MYEF2: variants seen among roughly 807,000 people sequenced by gnomAD.
The protein encoded by MYEF2 is myelin gene expression factor 2.
A neutral mutation model predicts 75.2 loss-of-function variants in MYEF2; 37 were observed. The ratio of observed to expected loss-of-function variants is 0.49; its 90% CI spans 0.38 to 0.65. MYEF2 has a LOEUF of 0.65. Ranked by LOEUF, MYEF2 falls within the 30% of genes least tolerant of loss-of-function variation. MYEF2 has a pLI of 0.00. For synonymous variants in MYEF2, 195 were observed against 241.6 expected (o/e 0.81, Z 1.79); for missense variants, 634 against 771.4 (o/e 0.82, Z 2.11).
intron 5 of MYEF2, chr15:48,162,670 T>C (rs1444220509): frequency 1.3e-5 from 2 of 152,218 alleles, no homozygotes; most frequent in African/African-American, 4.8e-5. Context: ...TCCCAACATG[T>C]GCTCACTTTG....
rs1205778540 is a variant in MYEF2 at position 48,135,641 on chromosome 15, A to G, written c.*7267T>C. 6.6e-6 allele frequency: 1 copy of G among 152,104 alleles called. No individual in the cohort carries two copies. Among genetic ancestry groups the G allele is most frequent in the Admixed American group, 6.6e-5 (1 of 15,236 alleles). The allele number at this position is 152,104 out of a possible 1,614,324, so 9.4% of individuals were successfully genotyped here. ...CACTATGCTAGATATCATAAGGGAT[A>G]ATGAAATGTAAAACACAGCTACACA... On this transcript the variant is annotated 3_prime_UTR_variant, in exon 17 of 17. Transcript: ENST00000324324.
rs11360022 is a variant in MYEF2 at position 48,170,477 on chromosome 15, TA to T, written c.162-1639del. Among the ~76,000 whole-genome samples, 493 of 152,280 alleles carry T rather than the reference TA, an allele frequency of 3.2e-3. 3 individuals are homozygous for T. Among genetic ancestry groups the T allele is most frequent in the African/African-American group, 0.011 (471 of 41,554 alleles). On this transcript the variant is annotated intron_variant, in intron 1 of 16. Coordinates refer to ENST00000324324, the MANE Select transcript of MYEF2 (RefSeq NM_016132.5). ...TCTAGTCAATTTAAAACTATTTTAA[TA>T]ACAAAACTTCAATTTTAAAGCAATT...
chr15:48,158,683 T>C (rs2039805046), intron 7 of MYEF2, 86 bp downstream of exon 7: 3 of 1,520,464 alleles, frequency 2.0e-6, no homozygotes, highest in African/African-American at 2.7e-5. Flanking sequence ...CCAGGCAACC[T>C]TAAATTCAAT....
rs2038863981 is a variant in MYEF2, at chr15:48,135,091, T to C, written c.*7817A>G. 3.9e-6 allele frequency: 3 copies of C among 766,030 alleles called. No homozygotes were observed. Among genetic ancestry groups the C allele is most frequent in the South Asian group, 3.6e-5 (2 of 55,886 alleles). 47.5% of individuals were successfully genotyped at this position (766,030 alleles called of 1,614,324 possible). On this transcript the variant is annotated 3_prime_UTR_variant, in exon 17 of 17. Coordinates refer to ENST00000324324, the MANE Select transcript of MYEF2 (RefSeq NM_016132.5). ...TATTTCAGTCACTTAATCTGCCACTTCTATACCATATTCCAACAGGTCTGT... is the reference window on the plus strand; with the variant it reads ...TATTTCAGTCACTTAATCTGCCACTCCTATACCATATTCCAACAGGTCTGT...
intron 13 of MYEF2, 24 bp downstream of exon 13, chr15:48,151,449 G>A: frequency 6.3e-7 from 1 of 1,587,608 alleles, no homozygotes; most frequent in Non-Finnish European, 8.6e-7. Context: ...AAAAAGAAAA[G>A]GAGAAGTATG....
intron 9 of MYEF2, among the ~76,000 whole-genome samples, chr15:48,154,947 T>C (rs2039636519): frequency 6.6e-6 from 1 of 151,998 alleles, no homozygotes; most frequent in Admixed American, 6.6e-5. Flanking sequence ...TACTATTACA[T>C]AAAAGAATAA....
chr15:48,159,408 G>A (rs998406172), intron 6 of MYEF2, among the ~76,000 whole-genome samples: 1 of 151,886 alleles, frequency 6.6e-6, no homozygotes, highest in Admixed American at 6.6e-5. Context: ...AATCCAAATA[G>A]TTGTATTTAA....
intron 6 of MYEF2, 67 bp from the exon 7 acceptor site, chr15:48,158,989 A>G: frequency 1.4e-6 from 2 of 1,395,416 alleles, no homozygotes; most frequent in Non-Finnish European, 2.0e-6. Context: ...AATACAAAAA[A>G]TCTTTTCTAA....
intron 5 of MYEF2, among the ~76,000 whole-genome samples, chr15:48,163,528 A>T (rs2040027375): frequency 6.6e-6 from 1 of 152,208 alleles, no homozygotes; most frequent in Admixed American, 6.5e-5. Context: ...AGTTATCCAG[A>T]ACACCTAGCT....
rs1881872453 is a variant in MYEF2, at chr15:48,151,900, C to A, written c.1181G>T (p.Gly394Val). 1 of 1,613,558 alleles carries A rather than the reference C, an allele frequency of 6.2e-7. No individual in the cohort carries two copies. The highest frequency in any genetic ancestry group is 8.5e-7 in the Non-Finnish European group (1 of 1,179,610). Residue 394 changes from glycine (G) to valine (V), a missense_variant, in exon 12 of 17, where the codon GGA becomes GTA. Physicochemically the swap from Gly to Val is moderately radical, Grantham distance 109 (BLOSUM62 -3). Coordinates refer to ENST00000324324, the MANE Select transcript of MYEF2 (RefSeq NM_016132.5). ...TCCCATTCGGCCAACTCCTCCAAAT[C>A]CTCCCATGCTATTCATTGCTTCCAG... is the stretch of plus-strand genomic sequence containing the variant. ...GGLEAMNSMGGFGGVGRMGEL... is the reference protein window; with the variant it reads ...GGLEAMNSMGVFGGVGRMGEL...
chr15:48,163,979 C>T (rs2040046612), intron 5 of MYEF2, among the ~76,000 whole-genome samples: 1 of 152,142 alleles, frequency 6.6e-6, no homozygotes, highest in African/African-American at 2.4e-5. Context: ...TACAAGAAGA[C>T]TAATGTTGTT....
chr15:48,152,365 T>G, intron 10 of MYEF2, 81 bp from the exon 11 acceptor site: 1 of 1,162,118 alleles, frequency 8.6e-7, no homozygotes. Flanking sequence ...TATAGCAAAA[T>G]AGATACCACT....
At chr15:48,159,143 A>G (rs1327162823) in intron 6 of MYEF2, among the ~76,000 whole-genome samples, 1 of 152,164 alleles carries the variant, frequency 6.6e-6, no homozygotes, top group East Asian at 1.9e-4. Flanking sequence ...TTCCAAAATC[A>G]TCTCTCAACT....
intron 9 of MYEF2, 47 bp downstream of exon 9, chr15:48,157,946 C>T (rs1192898301): frequency 6.2e-7 from 1 of 1,608,154 alleles, no homozygotes; most frequent in Non-Finnish European, 8.5e-7. Flanking sequence ...CATAATAAAA[C>T]AAACCAAAAA....
chr15:48,141,884 A>C lies in MYEF2; in HGVS notation c.*1024T>G. 9.5e-6 allele frequency: 5 copies of C among 526,228 alleles called. No homozygotes were observed. Among genetic ancestry groups the C allele is most frequent in the Non-Finnish European group, 1.6e-5 (5 of 309,200 alleles). 32.6% of individuals were successfully genotyped at this position (526,228 alleles called of 1,614,324 possible). A position where few individuals can be genotyped will look rare whatever the true frequency, so the allele number is the denominator to read the frequency against. ...TAACCCAAGAAAAATTTAAAAATAC[A>C]AATTCAGTAAGACTTTTGCTCTAAC... On this transcript the variant is annotated 3_prime_UTR_variant, in exon 17 of 17. Transcript: ENST00000324324.
Position 48,142,782 on chromosome 15 carries a change from G to A in MYEF2, c.*126C>T. On this transcript the variant is annotated 3_prime_UTR_variant, in exon 17 of 17. Transcript: ENST00000324324. The stretch of plus-strand genomic sequence containing the variant: ...TATTTTTAACATTATACTGTTAAAA[G>A]CTGGTGGGAGTTTTAAAAGTTCATT... The A allele has an allele frequency of 1.1e-6, 1 of 903,090 alleles. No individual in the cohort carries two copies. The highest frequency in any genetic ancestry group is 1.6e-6 in the Non-Finnish European group (1 of 622,336). 55.9% of individuals were successfully genotyped at this position (903,090 alleles called of 1,614,324 possible).
chr15:48,138,631 C>T lies in MYEF2; in HGVS notation c.*4277G>A. On this transcript the variant is annotated 3_prime_UTR_variant, in exon 17 of 17. Transcript: ENST00000324324. ...AGCTAGGTTAGAAACCAGGTTAATC[C>T]CTTAAGCAAAAAGTTACTGAAGACA... The T allele has an allele frequency of 5.1e-6, 1 of 194,602 alleles. No individual in the cohort carries two copies. The highest frequency in any genetic ancestry group is 1.1e-5 in the Non-Finnish European group (1 of 93,716). The allele number at this position is 194,602 out of a possible 1,614,324, so 12.1% of individuals were successfully genotyped here.
Position 48,178,207 on chromosome 15 carries a change from C to T in MYEF2, c.31G>A (p.Gly11Arg), listed in dbSNP as rs1481751312. The stretch of plus-strand genomic sequence containing the variant: ...TGCGGGCTGTCGCCACCAGTGGCCC[C>T]GGGCACCTCGGCCTTGTTGGCGTCC... MADANKAEVPGATGGDSPHLQ... is the reference protein window; with the variant it reads MADANKAEVPRATGGDSPHLQ... The change falls in exon 1 of 17, where the codon GGG becomes AGG. Residue 11 changes from glycine (G) to arginine (R), a missense_variant. Coordinates refer to ENST00000324324, the MANE Select transcript of MYEF2 (RefSeq NM_016132.5). The T allele has an allele frequency of 4.0e-6, 6 of 1,485,524 alleles. No homozygotes were observed. In the Admixed American group the frequency reaches 9.7e-5, roughly 24 times the overall value. The allele number at this position is 1,485,524 out of a possible 1,614,324, so 92.0% of individuals were successfully genotyped here.
intron 3 of MYEF2, 59 bp from the exon 4 acceptor site, chr15:48,166,187 T>C: frequency 8.1e-6 from 11 of 1,354,658 alleles, no homozygotes; most frequent in Non-Finnish European, 1.1e-5. Flanking sequence ...GATCAGTACA[T>C]GAAGTTAATA....
Sources: gnomAD v4.1 joint callset for allele counts (sites outside exome capture counted in the v4.1 genomes callset) on GRCh38, gnomAD v4.1.1 for gene constraint, MANE v1.5 for transcripts, NCBI Gene and HGNC (gene_info 2026-07-23, HGNC 2026-07-21) for gene names.